ZNF626: variants seen among roughly 807,000 people sequenced by gnomAD.
The protein encoded by ZNF626 is CTC-513N18.7.
Under a neutral mutation model 11.7 loss-of-function variants are expected in ZNF626, and 4 were observed. The ratio of observed to expected loss-of-function variants is 0.34; its 90% confidence interval spans 0.17 to 0.78. ZNF626 has a LOEUF of 0.78. Ranked by LOEUF, ZNF626 falls within the 30% of genes least tolerant of loss-of-function variation. ZNF626 has a pLI of 0.57. For missense variants in ZNF626, 588 were observed against 587.1 expected, an observed-to-expected ratio of 1.00 and a Z score of -0.01; for synonymous variants, 179 against 198.6, an observed-to-expected ratio of 0.90 and a Z score of 0.83.
intron 2 of ZNF626, 117 bp from the exon 3 acceptor site, chr19:20,645,896 T>G: frequency 2.8e-6 from 2 of 726,136 alleles, no homozygotes; most frequent in Non-Finnish European, 4.1e-6. Flanking sequence ...ACAAAAATAC[T>G]AAGTTGTAAC....
At chr19:20,661,077 A>C (rs1222312440) in intron 1 of ZNF626, among the ~76,000 whole-genome samples, 1 of 152,208 alleles carries the variant, frequency 6.6e-6, no homozygotes, top group Admixed American at 6.5e-5. Flanking sequence ...GAGAAACTGT[A>C]AACCCAAAGG....
chr19:20,658,697 A>G (rs1555773396), intron 1 of ZNF626, among the ~76,000 whole-genome samples: 5 of 152,172 alleles, frequency 3.3e-5, no homozygotes, highest in African/African-American at 1.2e-4. Flanking sequence ...AGTTTGCTGA[A>G]TATCAAACAA....
At position 20,644,495 on chromosome 19, in the gene ZNF626, G is replaced by A. The variant is rs138113616; in HGVS notation, c.226+1189C>T. On this transcript the variant is annotated intron_variant, in intron 3 of 3. Transcript: ENST00000601440. ...CCCCTCTTCACTACAAATTCAGAGG[G>A]CATCTCATCACCCTAAGGGCCCAAT... 5.5e-4 allele frequency among the ~76,000 whole-genome samples: 83 copies of A among 152,186 alleles called. 3 individuals are homozygous for A. The highest frequency in any genetic ancestry group is 4.1e-3 in the Admixed American group (63 of 15,286).
At chr19:20,646,225 A>C (rs966279004) in intron 2 of ZNF626, 54 bp downstream of exon 2, 12 of 1,490,968 alleles carry the variant, frequency 8.0e-6, no homozygotes, top group Admixed American at 4.7e-5. Context: ...ACATTCTACA[A>C]AAAATAAATA....
chr19:20,657,468 C>G (rs1447073709), intron 1 of ZNF626, among the ~76,000 whole-genome samples: 1 of 151,994 alleles, frequency 6.6e-6, no homozygotes, highest in Non-Finnish European at 1.5e-5. Flanking sequence ...ATGACCATGT[C>G]CTTTGCAATA....
intron 3 of ZNF626, among the ~76,000 whole-genome samples, chr19:20,638,493 G>GT (rs1166835905): frequency 1.3e-5 from 2 of 150,514 alleles, no homozygotes; most frequent in East Asian, 1.9e-4. Flanking sequence ...AGCCTGAGTG[G>GT]TTTTTTTAAA....
At chr19:20,644,529 A>C (rs1970054568) in intron 3 of ZNF626, among the ~76,000 whole-genome samples, 1 of 152,098 alleles carries the variant, frequency 6.6e-6, no homozygotes, top group African/African-American at 2.4e-5. Flanking sequence ...ATAAAAGAAA[A>C]TCTTTACAAT....
intron 3 of ZNF626, among the ~76,000 whole-genome samples, chr19:20,632,943 T>C (rs1969923270): frequency 6.6e-6 from 1 of 152,162 alleles, no homozygotes; most frequent in Non-Finnish European, 1.5e-5. Context: ...TTGATGATGG[T>C]GATGTACAGA....
At chr19:20,657,857 G>A (rs2144796913) in intron 1 of ZNF626, among the ~76,000 whole-genome samples, 1 of 151,372 alleles carries the variant, frequency 6.6e-6, no homozygotes. Context: ...TGCAGAAACA[G>A]AAAACCAAAT....
In ZNF626 at chr19:20,624,046, T is replaced by C. The variant is rs1239560766; in HGVS notation, c.*244A>G. The C allele has an allele frequency of 6.9e-6, 5 of 722,638 alleles. No individual in the cohort carries two copies. Among genetic ancestry groups the C allele is most frequent in the African/African-American group, 3.5e-5 (2 of 56,792 alleles). The allele number at this position is 722,638 out of a possible 1,614,324, so 44.8% of individuals were successfully genotyped here. ...TTTCTCTCCAGTATGAATTATCTTA[T>C]GTGCAGTAAGGTGTGAGGATAGGTG... On this transcript the variant is annotated 3_prime_UTR_variant, in exon 4 of 4. Coordinates refer to ENST00000601440, the MANE Select transcript of ZNF626 (RefSeq NM_001076675.3).
At position 20,645,359 on chromosome 19, in the gene ZNF626, C is replaced by T; in HGVS notation, c.226+325G>A. 5.7e-6 allele frequency: 9 copies of T among 1,578,224 alleles called. No homozygotes were observed. The South Asian group carries it at 6.0e-5, about 10-fold the overall frequency. Reference sequence around the variant, plus strand: ...AAATCATGCAGACATTTGTGCGTCCCAAAAATTATGGAAAAGCAGCCACAC... The same window carrying T: ...AAATCATGCAGACATTTGTGCGTCCTAAAAATTATGGAAAAGCAGCCACAC... On this transcript the variant is annotated intron_variant, in intron 3 of 3. Transcript: ENST00000601440.
intron 3 of ZNF626, among the ~76,000 whole-genome samples, chr19:20,628,958 T>C (rs1969871619): frequency 2.6e-5 from 4 of 152,222 alleles, no homozygotes; most frequent in African/African-American, 9.6e-5. Flanking sequence ...TTAATTTTTG[T>C]ATAAGGTGTA....
At chr19:20,638,945 A>C (rs1485491879) in intron 3 of ZNF626, among the ~76,000 whole-genome samples, 2 of 152,196 alleles carry the variant, frequency 1.3e-5, no homozygotes, top group Non-Finnish European at 2.9e-5. Context: ...TAGAGGAATA[A>C]TTGAGAGTAC....
At chr19:20,645,325 A>G in intron 3 of ZNF626, 2 of 1,556,224 alleles carry the variant, frequency 1.3e-6, no homozygotes, top group Non-Finnish European at 1.7e-6. Context: ...GAGTAATTTT[A>G]GTTTCTCAAA....
At chr19:20,655,109 CA>C (rs35688904) in intron 1 of ZNF626, among the ~76,000 whole-genome samples, 11,019 of 138,644 alleles carry the variant, frequency 0.079, 1,081 homozygotes, top group African/African-American at 0.24. Context: ...GAGACTGTCT[CA>C]AAAAAAAAAA....
rs951741691 is a variant in ZNF626 at position 20,619,968 on chromosome 19, C to A, written c.*4322G>T. 1 of 152,192 alleles carries A rather than the reference C, an allele frequency of 6.6e-6. No individual in the cohort carries two copies. The highest frequency in any genetic ancestry group is 1.9e-4 in the East Asian group (1 of 5,206). The allele number at this position is 152,192 out of a possible 1,614,324, so 9.4% of individuals were successfully genotyped here. On this transcript the variant is annotated 3_prime_UTR_variant, in exon 4 of 4. Transcript: ENST00000601440. ...AACTACTTTCCAGTTTTATTCATTA[C>A]AAATATTAACTAACATCTTTTTTTC...
At chr19:20,639,637 T>C (rs1970002385) in intron 3 of ZNF626, among the ~76,000 whole-genome samples, 3 of 152,048 alleles carry the variant, frequency 2.0e-5, no homozygotes, top group Admixed American at 2.0e-4. Flanking sequence ...CTCAGAAAAC[T>C]GAGGTAAAAG....
intron 3 of ZNF626, among the ~76,000 whole-genome samples, chr19:20,642,115 T>G (rs9917110): frequency 0.074 from 11,257 of 152,148 alleles, 1,177 homozygotes; most frequent in African/African-American, 0.24. Flanking sequence ...GAATATAAGA[T>G]AAGCCATAAC....
chr19:20,655,340 T>C (rs939484862), intron 1 of ZNF626, among the ~76,000 whole-genome samples: 4 of 152,202 alleles, frequency 2.6e-5, no homozygotes, highest in Admixed American at 2.0e-4. Flanking sequence ...CTGAGTATCA[T>C]TTAGTCTTTA....
Sources: allele counts gnomAD v4.1 joint callset (sites outside exome capture counted in the v4.1 genomes callset), GRCh38; gene constraint gnomAD v4.1.1; transcripts MANE v1.5; gene names NCBI Gene and HGNC (gene_info 2026-07-23, HGNC 2026-07-21).